Variants in TPRN observed in about 807,000 individuals in gnomAD.
The protein encoded by TPRN is chromosome 9 open reading frame 75.
A neutral mutation model predicts 42.6 loss-of-function variants in TPRN; 32 were observed. The observed-to-expected ratio is 0.75, with a 90% CI of 0.57 to 1.01. The LOEUF is 1.01. Among genes scored for constraint, TPRN ranks in the 50% least tolerant of loss-of-function variants. The pLI, the probability that TPRN is intolerant of heterozygous loss-of-function variation, is 0.00. For missense variants in TPRN, 1,095 were observed against 957.5 expected (o/e 1.14, Z -1.90); for synonymous variants, 541 against 445.6 (o/e 1.21, Z -2.70).
intron 1 of TPRN, among the ~76,000 whole-genome samples, chr9:137,195,938 C>G (rs1834698562): frequency 6.6e-6 from 1 of 152,184 alleles, no homozygotes; most frequent in Admixed American, 6.5e-5. Flanking sequence ...GCACCTGCCG[C>G]TTCTGCCAAT....
At chr9:137,195,408 C>G (rs565878677) in intron 1 of TPRN, among the ~76,000 whole-genome samples, 2 of 152,112 alleles carry the variant, frequency 1.3e-5, no homozygotes, top group African/African-American at 4.8e-5. Context: ...GGCGGAGAGA[C>G]GAGAAGGAAA....
At position 137,200,590 on chromosome 9, in the gene TPRN, G is replaced by A. The variant is rs2131355576; in HGVS notation, c.122C>T (p.Ala41Val). 8.7e-7 allele frequency: 1 copy of A among 1,152,340 alleles called. No individual in the cohort carries two copies. 71.4% of individuals were successfully genotyped at this position (1,152,340 alleles called of 1,614,324 possible). ...CAGCACCCGCTGCTCGGGCTCCGCC[G>A]CCCCGGGCCCCGCGCCCCCGCCCAG... ...AALGGGAGPG[A>V]AEPEQRVLAE... The change falls in exon 1 of 4, where the codon GCG becomes GTG. Residue 41 changes from alanine to valine, a missense_variant. By Grantham distance (64) the Ala-to-Val change is moderately conservative (BLOSUM62 0). Coordinates refer to ENST00000409012, the MANE Select transcript of TPRN (RefSeq NM_001128228.3). This position sits in a 1 kb window ranked among gnomAD's most constrained non-coding sequence, Gnocchi z 4.3.
rs267607135 is a variant in TPRN at position 137,199,473 on chromosome 9, C to T, written c.1239G>A (p.Trp413Ter). 6.3e-6 allele frequency: 10 copies of T among 1,598,302 alleles called. No homozygotes were observed. The highest frequency in any genetic ancestry group is 1.1e-5 in the South Asian group (1 of 89,354). ...AGGGGGGCGGTGAGGACGGCCTCTG[C>T]CACCTAATAGCCCGGTCAGCGAGGG... Reference protein sequence around the residue: ...ATALADRAIRWQRPSSPPPFL... With the variant: ...ATALADRAIR The change falls in exon 1 of 4, where the codon TGG becomes TGA. Residue 413 changes from tryptophan to a stop codon, truncating the protein, a stop_gained. Transcript: ENST00000409012. LOFTEE classifies it high-confidence loss of function.
chr9:137,194,271 G>GACCT (rs1375195793), intron 1 of TPRN: 2 of 152,384 alleles, frequency 1.3e-5, no homozygotes, highest in Non-Finnish European at 2.9e-5. Flanking sequence ...GGCAGGGAGA[G>GACCT]GCTGGGACAG....
Position 137,191,926 on chromosome 9 carries a change from C to T in TPRN, c.*186G>A. The T allele has an allele frequency of 2.7e-6, 2 of 728,352 alleles. No individual in the cohort carries two copies. Among genetic ancestry groups the T allele is most frequent in the African/African-American group, 1.7e-5 (1 of 57,798 alleles). The allele number at this position is 728,352 out of a possible 1,614,324, so 45.1% of individuals were successfully genotyped here. A position where few individuals can be genotyped will look rare whatever the true frequency, so the allele number is the denominator to read the frequency against. On this transcript the variant is annotated 3_prime_UTR_variant, in exon 4 of 4. Transcript: ENST00000409012. ...CCCCTTGGACCCTCCCAAATCAGGG[C>T]CGGGGAGTGAGACCCAGACCTGGCC...
In TPRN at chr9:137,192,619, C is replaced by T. The variant is rs377096348; in HGVS notation, c.1798G>A (p.Glu600Lys). 2 of 1,613,732 alleles carry T rather than the reference C, an allele frequency of 1.2e-6. No homozygotes were observed. Among genetic ancestry groups the T allele is most frequent in the Non-Finnish European group, 1.7e-6 (2 of 1,180,018 alleles). ...TCCTCCTGCTGGTCCACCTCTTCCT[C>T]CTGCTCTAGGGAGCTCTCGGAAGGG... is the stretch of plus-strand genomic sequence containing the variant. ...EYPSESSLEQ[E>K]EEVDQQEEEE... The change falls in exon 2 of 4, where the codon GAG (glutamate) becomes AAG (lysine). Residue 600 changes from glutamate to lysine, a missense_variant. By Grantham distance (56) the Glu-to-Lys change is moderately conservative. Transcript: ENST00000409012.
chr9:137,198,346 G>A (rs1367281060), intron 1 of TPRN, among the ~76,000 whole-genome samples: 1 of 152,230 alleles, frequency 6.6e-6, no homozygotes, highest in Non-Finnish European at 1.5e-5. Context: ...CCCCTGCCTG[G>A]CTGGCTCAGA....
intron 1 of TPRN, among the ~76,000 whole-genome samples, chr9:137,196,161 G>A (rs75922348): frequency 6.6e-6 from 1 of 152,174 alleles, no homozygotes; most frequent in Admixed American, 6.5e-5. Context: ...CTGTACCCCA[G>A]GAAAAGCAGC....
Position 137,192,572 on chromosome 9 carries a change from TTCCTCCTCCTCCTCCTCC to T in TPRN, c.1827_1844del (p.Glu616_Glu621del), listed in dbSNP as rs376810326. 5.0e-6 allele frequency: 8 copies of T among 1,608,314 alleles called. No homozygotes were observed. The highest frequency in any genetic ancestry group is 6.8e-6 in the Non-Finnish European group (8 of 1,177,246). ...CGGATCCCTCTTCCTCCTCTTCCTCTTCCTCCTCCTCCTCCTCCTCCTCCTCCTGCTGGTCCACCTCTT... is the reference window on the plus strand; with the variant it reads ...CGGATCCCTCTTCCTCCTCTTCCTCTTCCTCCTCCTGCTGGTCCACCTCTT... On this transcript the variant is annotated inframe_deletion, in exon 2 of 4. Transcript: ENST00000409012.
chr9:137,191,863 C>G lies in TPRN; in HGVS notation c.*249G>C, dbSNP rs933007354. On this transcript the variant is annotated 3_prime_UTR_variant, in exon 4 of 4. Transcript: ENST00000409012. ...GCAGATGGCCACCACCCAGCAGGCCCCTGGCACTCACCCACAGGCAGTTCC... is the reference window on the plus strand; with the variant it reads ...GCAGATGGCCACCACCCAGCAGGCCGCTGGCACTCACCCACAGGCAGTTCC... The G allele has an allele frequency of 2.4e-5, 14 of 583,338 alleles. No individual in the cohort carries two copies. Among genetic ancestry groups the G allele is most frequent in the African/African-American group, 2.2e-4 (12 of 53,786 alleles). The allele number at this position is 583,338 out of a possible 1,614,324, so 36.1% of individuals were successfully genotyped here.
Position 137,192,368 on chromosome 9 carries a change from G to A in TPRN, c.1967-3C>T, listed in dbSNP as rs758700592. The A allele has an allele frequency of 1.9e-6, 3 of 1,612,986 alleles. No homozygotes were observed. The highest frequency in any genetic ancestry group is 1.7e-5 in the Admixed American group (1 of 60,014). ...CTTCGGGGTGTAGCTGGACAGGCCT[G>A]TGAATGGAGGTGCACATGCAGACGT... is the stretch of plus-strand genomic sequence containing the variant. On this transcript the variant is annotated splice_polypyrimidine_tract_variant and splice_region_variant and intron_variant, in intron 2 of 3. Transcript: ENST00000409012.
At position 137,200,377 on chromosome 9, in the gene TPRN, G is replaced by A. The variant is rs907194576; in HGVS notation, c.335C>T (p.Ala112Val). Residue 112 changes from alanine (A) to valine (V), a missense_variant, in exon 1 of 4, where the codon GCC becomes GTC. Physicochemically the swap from Ala to Val is moderately conservative, Grantham distance 64. Transcript: ENST00000409012. This position sits in a 1 kb window ranked among gnomAD's most constrained non-coding sequence, Gnocchi z 4.3. ...TVPGFPPAPP[A>V]PGAAQIRAAE... ...GGCGCGGATCTGCGCGGCCCCCGGG[G>A]CGGGCGGCGCGGGCGGGAAGCCGGG... is the stretch of plus-strand genomic sequence containing the variant. 118 of 1,078,194 alleles carry A rather than the reference G, an allele frequency of 1.1e-4. No homozygotes were observed. The highest frequency in any genetic ancestry group is 1.3e-4 in the Non-Finnish European group (112 of 893,736). The allele number at this position is 1,078,194 out of a possible 1,614,324, so 66.8% of individuals were successfully genotyped here. A position where few individuals can be genotyped will look rare whatever the true frequency, so the allele number is the denominator to read the frequency against.
intron 1 of TPRN, 103 bp from the exon 2 acceptor site, chr9:137,192,794 C>A (rs577478464): frequency 4.7e-6 from 6 of 1,289,160 alleles, no homozygotes; most frequent in Admixed American, 3.5e-5. Flanking sequence ...CCAAGTGGGG[C>A]GCCAGACACA....
intron 1 of TPRN, among the ~76,000 whole-genome samples, chr9:137,196,239 C>A (rs1414038031): frequency 6.6e-6 from 1 of 152,238 alleles, no homozygotes; most frequent in African/African-American, 2.4e-5. Flanking sequence ...AGACTCCGGG[C>A]CCTGCAATCC....
At chr9:137,192,881 C>T in intron 1 of TPRN, 190 bp from the exon 2 acceptor site, 1 of 628,676 alleles carries the variant, frequency 1.6e-6, no homozygotes. Flanking sequence ...ATCCCTCCAC[C>T]CTGGGGGTCA....
At position 137,199,414 on chromosome 9, in the gene TPRN, G is replaced by A; in HGVS notation, c.1298C>T (p.Ala433Val). ...LPAASEEAEP[A>V]EGLRVPGLAK... is the part of the protein sequence containing the mutation. ...CAAGCCAGGAACCCTGAGGCCCTCA[G>A]CAGGCTCAGCTTCTTCCGAAGCAGC... The change falls in exon 1 of 4, where the codon GCT becomes GTT. Residue 433 changes from alanine to valine, a missense_variant. By Grantham distance (64) the Ala-to-Val change is moderately conservative. Coordinates refer to ENST00000409012, the MANE Select transcript of TPRN (RefSeq NM_001128228.3). 1 of 1,612,212 alleles carries A rather than the reference G, an allele frequency of 6.2e-7. No homozygotes were observed. The highest frequency in any genetic ancestry group is 8.5e-7 in the Non-Finnish European group (1 of 1,179,770).
Position 137,192,470 on chromosome 9 carries a change from C to A in TPRN, c.1947G>T (p.Arg649=). 6.2e-7 allele frequency: 1 copy of A among 1,606,250 alleles called. No homozygotes were observed. Among genetic ancestry groups the A allele is most frequent in the African/African-American group, 1.3e-5 (1 of 74,818 alleles). Residue 649 remains arginine, a synonymous_variant, in exon 2 of 4, where the codon CGG becomes CGT. Transcript: ENST00000409012. ...ACTCACCTGAGCTACCCTCTGGCAG[C>A]CGAGAGCTCTCGGGTCTCACGCTGC... ...FVSSVRPESS[R]LPEGSSGLSS... is the part of the protein sequence containing the mutation.
Position 137,200,110 on chromosome 9 carries a change from C to G in TPRN, c.602G>C (p.Gly201Ala), listed in dbSNP as rs562796991. 5 of 1,295,732 alleles carry G rather than the reference C, an allele frequency of 3.9e-6. No individual in the cohort carries two copies. The Admixed American group carries it at 1.9e-4, about 48-fold the overall frequency. The allele number at this position is 1,295,732 out of a possible 1,614,324, so 80.3% of individuals were successfully genotyped here. Residue 201 changes from glycine (G) to alanine (A), a missense_variant, in exon 1 of 4, where the codon GGC becomes GCC. Gly to Ala is a moderately conservative substitution (Grantham distance 60). Coordinates refer to ENST00000409012, the MANE Select transcript of TPRN (RefSeq NM_001128228.3). This position sits in a 1 kb window ranked among gnomAD's most constrained non-coding sequence, Gnocchi z 4.3. ...ARRSDFLQKT[G>A]SNSFTVHPRG... ...GGGGTGGACGGTGAAGGAGTTGCTG[C>G]CGGTCTTCTGGAGGAAGTCGCTGCG...
rs1269740958 is a variant in TPRN at position 137,200,432 on chromosome 9, C to T, written c.280G>A (p.Ala94Thr). The change falls in exon 1 of 4, where the codon GCC becomes ACC. Residue 94 changes from alanine (A) to threonine (T), a missense_variant. Coordinates refer to ENST00000409012, the MANE Select transcript of TPRN (RefSeq NM_001128228.3). This position sits in a 1 kb window ranked among gnomAD's most constrained non-coding sequence, Gnocchi z 4.3. ...GTCTCGATGATGAGGACGCTGTCGG[C>T]GCGGAGGGCGCGCACGCCAGGCACG... The part of the protein sequence containing the change: ...RRVPGVRALR[A>T]DSVLIIETVP... The T allele has an allele frequency of 1.5e-5, 17 of 1,119,442 alleles. No individual in the cohort carries two copies. The highest frequency in any genetic ancestry group is 2.5e-5 in the South Asian group (1 of 39,532). The allele number at this position is 1,119,442 out of a possible 1,614,324, so 69.3% of individuals were successfully genotyped here.
Sources: allele counts gnomAD v4.1 joint callset (sites outside exome capture counted in the v4.1 genomes callset), GRCh38; gene constraint gnomAD v4.1.1; non-coding constraint Gnocchi (gnomAD v3.1); transcripts MANE v1.5; gene names NCBI Gene and HGNC (gene_info 2026-07-23, HGNC 2026-07-21).